The following YWHAE variants were observed in gnomAD, a reference collection of about 807,000 sequenced individuals.
YWHAE encodes 14-3-3 protein epsilon.
In YWHAE, 4 loss-of-function variants were observed where a neutral mutation model predicts 30.1. The observed-to-expected ratio is 0.13, with a 90% CI of 0.07 to 0.30. The LOEUF is 0.30. YWHAE is among the 10% of genes least tolerant of loss of function. The pLI, the probability that YWHAE is intolerant of heterozygous loss-of-function variation, is 1.00. For synonymous variants in YWHAE, 118 were observed against 111.8 expected (o/e 1.06, Z -0.35); for missense variants, 121 against 315.9 (o/e 0.38, Z 4.68).
intron 1 of YWHAE, among the ~76,000 whole-genome samples, chr17:1,397,073 T>A (rs1027135452): frequency 1.3e-5 from 2 of 151,166 alleles, no homozygotes; most frequent in Admixed American, 1.3e-4. Context: ...ATAATTTTTT[T>A]ATTTTTGTAG....
intron 5 of YWHAE, chr17:1,348,114 G>A: frequency 2.2e-6 from 1 of 455,636 alleles, no homozygotes; most frequent in Non-Finnish European, 2.9e-6. Flanking sequence ...ACAGGAGCCG[G>A]ACTTTGGTCT....
At chr17:1,370,678 A>G (rs62087942) in intron 1 of YWHAE, among the ~76,000 whole-genome samples, 35,926 of 151,910 alleles carry the variant, frequency 0.24, 4,782 homozygotes, top group African/African-American at 0.35. Flanking sequence ...TGATCTGCCT[A>G]CCTGCTGTGT....
intron 2 of YWHAE, among the ~76,000 whole-genome samples, chr17:1,362,824 G>A (rs751152778): frequency 5.9e-5 from 9 of 151,886 alleles, no homozygotes; most frequent in Non-Finnish European, 1.0e-4. Context: ...CTGAATAAAC[G>A]ACATCCCTGA....
chr17:1,396,419 G>C (rs766309548), intron 1 of YWHAE, among the ~76,000 whole-genome samples: 1 of 151,958 alleles, frequency 6.6e-6, no homozygotes, highest in Non-Finnish European at 1.5e-5. Context: ...GCGAGACTCC[G>C]TCTCAAAAGA....
At chr17:1,398,917 C>A (rs1052474595) in intron 1 of YWHAE, 1 of 152,122 alleles carries the variant, frequency 6.6e-6, no homozygotes, top group African/African-American at 2.4e-5. Flanking sequence ...AAAAAGAAAG[C>A]AACAGGATCT....
chr17:1,367,211 A>C (rs1485942261), intron 1 of YWHAE, among the ~76,000 whole-genome samples: 1 of 152,226 alleles, frequency 6.6e-6, no homozygotes, highest in African/African-American at 2.4e-5. Context: ...TCTATTCATA[A>C]TAGCCAAAAA....
At chr17:1,372,417 T>G (rs888346815) in intron 1 of YWHAE, among the ~76,000 whole-genome samples, 2 of 152,230 alleles carry the variant, frequency 1.3e-5, no homozygotes, top group African/African-American at 2.4e-5. Flanking sequence ...TTTAATCTCC[T>G]TGAAGAACTT....
intron 1 of YWHAE, among the ~76,000 whole-genome samples, chr17:1,391,568 T>C (rs1235140255): frequency 6.6e-6 from 1 of 152,232 alleles, no homozygotes; most frequent in Non-Finnish European, 1.5e-5. Context: ...ATTTAATAAA[T>C]TTAAATGAAC....
chr17:1,360,373 A>AAC (rs369717872), intron 4 of YWHAE, among the ~76,000 whole-genome samples: 1 of 152,250 alleles, frequency 6.6e-6, no homozygotes, highest in Non-Finnish European at 1.5e-5. Flanking sequence ...GGAACAGTTT[A>AAC]ACACACATTA....
At position 1,389,723 on chromosome 17, in the gene YWHAE, G is replaced by C. The variant is rs559991429; in HGVS notation, c.64+10324C>G. Among the ~76,000 whole-genome samples the C allele has an allele frequency of 1.7e-4, 26 of 151,608 alleles. No individual in the cohort carries two copies. In the East Asian group the frequency reaches 3.9e-3, roughly 23 times the overall value. On this transcript the variant is annotated intron_variant, in intron 1 of 5. Transcript: ENST00000264335. ...TTTTTTGTATTTTTAGTAGAGACAG[G>C]GTTTCACTGTGTTAGCCAGGATGGT...
At chr17:1,361,807 C>A in intron 3 of YWHAE, 95 bp downstream of exon 3, 2 of 706,210 alleles carry the variant, frequency 2.8e-6, no homozygotes, top group South Asian at 5.7e-5. Flanking sequence ...AACAATTATT[C>A]TTAAATAAAA....
chr17:1,374,421 G>C (rs2073094128), intron 1 of YWHAE, among the ~76,000 whole-genome samples: 1 of 151,926 alleles, frequency 6.6e-6, no homozygotes. Flanking sequence ...TTAAGTTTTT[G>C]TATGAATAAA....
intron 5 of YWHAE, among the ~76,000 whole-genome samples, chr17:1,353,147 A>C (rs1179686548): frequency 1.3e-5 from 2 of 152,188 alleles, no homozygotes; most frequent in African/African-American, 4.8e-5. Context: ...ACCTCTTAAG[A>C]ATAAAAACAG....
At chr17:1,391,900 C>G (rs1268582316) in intron 1 of YWHAE, among the ~76,000 whole-genome samples, 1 of 152,178 alleles carries the variant, frequency 6.6e-6, no homozygotes, top group African/African-American at 2.4e-5. Context: ...CCTGGGCAAT[C>G]CGCTGGGACC....
At position 1,344,877 on chromosome 17, in the gene YWHAE, A is replaced by C. The variant is rs757507584; in HGVS notation, c.*570T>G. The C allele has an allele frequency of 4.3e-6, 1 of 233,470 alleles. No individual in the cohort carries two copies. Among genetic ancestry groups the C allele is most frequent in the Non-Finnish European group, 8.5e-6 (1 of 117,966 alleles). The allele number at this position is 233,470 out of a possible 1,614,324, so 14.5% of individuals were successfully genotyped here. On this transcript the variant is annotated 3_prime_UTR_variant, in exon 6 of 6. Coordinates refer to ENST00000264335, the MANE Select transcript of YWHAE (RefSeq NM_006761.5). ...GGATTGTTGAACTGTTACCAGCACC[A>C]TGCTTTTCAGCAACATTTCAGCGGA...
intron 5 of YWHAE, among the ~76,000 whole-genome samples, chr17:1,350,581 A>C (rs576424824): frequency 6.6e-6 from 1 of 151,392 alleles, no homozygotes; most frequent in African/African-American, 2.4e-5. Flanking sequence ...AGCAGGGATT[A>C]CAGGTGCCCG....
Position 1,377,703 on chromosome 17 carries a change from T to C in YWHAE, c.65-12645A>G, listed in dbSNP as rs917318337. On this transcript the variant is annotated intron_variant, in intron 1 of 5. Transcript: ENST00000264335. ...TAATCAATTAGCCAATGACCTTTCCTTTTTCCTAGGAAACATCATCCCTCT... is the reference window on the plus strand; with the variant it reads ...TAATCAATTAGCCAATGACCTTTCCCTTTTCCTAGGAAACATCATCCCTCT... Among the ~76,000 whole-genome samples, 17 of 152,216 alleles carry C rather than the reference T, an allele frequency of 1.1e-4. 1 individual carries two copies. Among genetic ancestry groups the C allele is most frequent in the African/African-American group, 4.1e-4 (17 of 41,456 alleles).
At chr17:1,354,590 C>A (rs1015296222) in intron 4 of YWHAE, among the ~76,000 whole-genome samples, 1 of 152,180 alleles carries the variant, frequency 6.6e-6, no homozygotes, top group African/African-American at 2.4e-5. Flanking sequence ...ATACATAGAA[C>A]AACTTCCATC....
intron 1 of YWHAE, among the ~76,000 whole-genome samples, chr17:1,379,064 A>G (rs1245377316): frequency 6.6e-6 from 1 of 152,230 alleles, no homozygotes; most frequent in Non-Finnish European, 1.5e-5. Context: ...CAAATTTGGC[A>G]ATTTTAATTT....
Sources: allele counts gnomAD v4.1 joint callset (sites outside exome capture counted in the v4.1 genomes callset), GRCh38; gene constraint gnomAD v4.1.1; transcripts MANE v1.5; gene names NCBI Gene and HGNC (gene_info 2026-07-23, HGNC 2026-07-21).